The following TFPI variants were observed in gnomAD, a reference collection of about 807,000 sequenced individuals.
TFPI encodes the protein tissue factor pathway inhibitor.
TFPI carries 15 observed loss-of-function variants against 34.6 expected under a neutral mutation model. That is an observed-to-expected ratio of 0.43 (90% CI 0.29 to 0.67). TFPI has a LOEUF of 0.67. Ranked by LOEUF, TFPI falls within the 30% of genes least tolerant of loss-of-function variation. The pLI is 0.15. For missense variants in TFPI, 301 were observed against 364.0 expected (o/e 0.83, Z 1.41); for synonymous variants, 105 against 120.1 (o/e 0.87, Z 0.82).
intron 2 of TFPI, 144 bp downstream of exon 2, chr2:187,503,504 C>A: frequency 1.4e-5 from 11 of 761,534 alleles, no homozygotes; most frequent in Non-Finnish European, 1.8e-5. Context: ...CACACACATA[C>A]ATTAGGTATA....
chr2:187,487,095 C>T (rs1693328537), intron 4 of TFPI, among the ~76,000 whole-genome samples: 1 of 151,310 alleles, frequency 6.6e-6, no homozygotes, highest in African/African-American at 2.4e-5. Flanking sequence ...ATAATTTTAC[C>T]TAAAAATAGT....
chr2:187,533,699 A>G (rs1688095503), intron 1 of TFPI, among the ~76,000 whole-genome samples: 1 of 152,150 alleles, frequency 6.6e-6, no homozygotes, highest in Admixed American at 6.5e-5. Context: ...AGGGAACAAA[A>G]CTTGATGAAG....
intron 1 of TFPI, among the ~76,000 whole-genome samples, chr2:187,511,171 C>T (rs1313926056): frequency 6.6e-6 from 1 of 152,188 alleles, no homozygotes; most frequent in Non-Finnish European, 1.5e-5. Context: ...AGTGGCTGAA[C>T]ACCGGGAAAG....
chr2:187,523,283 C>G (rs1337833993), intron 1 of TFPI, among the ~76,000 whole-genome samples: 2 of 152,106 alleles, frequency 1.3e-5, no homozygotes, highest in Non-Finnish European at 2.9e-5. Context: ...CCTTGAAACT[C>G]AACTATCACT....
intron 6 of TFPI, among the ~76,000 whole-genome samples, chr2:187,481,078 TC>T (rs1692819845): frequency 6.6e-6 from 1 of 152,046 alleles, no homozygotes; most frequent in African/African-American, 2.4e-5. Flanking sequence ...TATAAATATT[TC>T]ACTTAATAAT....
rs975178874 is a variant in TFPI, at chr2:187,521,129, CCTT to C, written c.-2-17362_-2-17360del. Among the ~76,000 whole-genome samples, 50 of 152,030 alleles carry C rather than the reference CCTT, an allele frequency of 3.3e-4. No individual in the cohort carries two copies. The Middle Eastern group carries it at 0.014, about 41-fold the overall frequency. Reference sequence around the variant, plus strand: ...TTATTGGGATGTCATTTCTTTTAGGCCTTCTTTTTGGCAGATTAAAGGAATATA... The same window carrying C: ...TTATTGGGATGTCATTTCTTTTAGGCCTTTTTGGCAGATTAAAGGAATATA... On this transcript the variant is annotated intron_variant, in intron 1 of 7. Coordinates refer to ENST00000233156, the MANE Select transcript of TFPI (RefSeq NM_006287.6).
chr2:187,541,607 A>G (rs145342238), intron 1 of TFPI, among the ~76,000 whole-genome samples: 2 of 152,304 alleles, frequency 1.3e-5, no homozygotes, highest in East Asian at 1.9e-4. Context: ...ACAAACGATC[A>G]TTGTTTCGTG....
intron 4 of TFPI, 96 bp from the exon 5 acceptor site, chr2:187,485,083 G>T: frequency 1.1e-6 from 1 of 898,994 alleles, no homozygotes; most frequent in Non-Finnish European, 1.5e-6. Context: ...AGTTATTGAA[G>T]GAGTAAGCAT....
intron 1 of TFPI, among the ~76,000 whole-genome samples, chr2:187,546,282 G>A (rs1230562373): frequency 2.0e-4 from 27 of 135,124 alleles, no homozygotes; most frequent in Admixed American, 1.7e-3. Flanking sequence ...AAATTTGTAA[G>A]TTTTTTTTTT....
intron 1 of TFPI, among the ~76,000 whole-genome samples, chr2:187,537,717 C>T (rs1688339670): frequency 6.6e-6 from 1 of 152,164 alleles, no homozygotes; most frequent in South Asian, 2.1e-4. Flanking sequence ...GCAATGGCAA[C>T]AAAAGCCAAA....
chr2:187,538,425 GTCC>G (rs1688387208), intron 1 of TFPI, among the ~76,000 whole-genome samples: 1 of 152,160 alleles, frequency 6.6e-6, no homozygotes, highest in African/African-American at 2.4e-5. Context: ...ATGTGTTCAT[GTCC>G]TTTGCAGGGA....
intron 1 of TFPI, chr2:187,519,793 A>C (rs1181276883): frequency 6.6e-6 from 1 of 152,094 alleles, no homozygotes; most frequent in African/African-American, 2.4e-5. Flanking sequence ...TGGGAGTTTG[A>C]TCTATAAGCC....
chr2:187,500,907 G>T (rs905078401), intron 2 of TFPI, among the ~76,000 whole-genome samples: 1 of 152,144 alleles, frequency 6.6e-6, no homozygotes, highest in African/African-American at 2.4e-5. Flanking sequence ...TTGACCATGC[G>T]TCAAGCACTG....
At chr2:187,541,516 T>A (rs1688582028) in intron 1 of TFPI, among the ~76,000 whole-genome samples, 1 of 152,178 alleles carries the variant, frequency 6.6e-6, no homozygotes, top group African/African-American at 2.4e-5. Context: ...CCAGTGGAAC[T>A]ATGAAATAAA....
chr2:187,550,244 A>T (rs1237779258), intron 1 of TFPI, among the ~76,000 whole-genome samples: 1 of 152,146 alleles, frequency 6.6e-6, no homozygotes, highest in African/African-American at 2.4e-5. Flanking sequence ...AGACTGGGTG[A>T]AGCACCACCT....
intron 2 of TFPI, among the ~76,000 whole-genome samples, chr2:187,500,991 A>G (rs1415007645): frequency 6.6e-6 from 1 of 152,188 alleles, no homozygotes; most frequent in Non-Finnish European, 1.5e-5. Context: ...GACACTAAGG[A>G]CTTACATAAA....
At chr2:187,537,600 A>G (rs972988055) in intron 1 of TFPI, among the ~76,000 whole-genome samples, 29 of 152,360 alleles carry the variant, frequency 1.9e-4, no homozygotes, top group African/African-American at 6.5e-4. Flanking sequence ...AAGATGCATT[A>G]AATACTTAAA....
chr2:187,511,754 A>G (rs1686650616), intron 1 of TFPI, among the ~76,000 whole-genome samples: 1 of 152,052 alleles, frequency 6.6e-6, no homozygotes, highest in Admixed American at 6.6e-5. Flanking sequence ...CTGGTTTTAG[A>G]TCCGCCTCAC....
chr2:187,467,172 T>A (rs1691760729), intron 7 of TFPI, 130 bp from the exon 8 acceptor site: 1 of 597,100 alleles, frequency 1.7e-6, no homozygotes, highest in Non-Finnish European at 2.8e-6. Context: ...GCCTTTAATT[T>A]GTCCATGTAT....
Sources: allele counts gnomAD v4.1 joint callset (sites outside exome capture counted in the v4.1 genomes callset), GRCh38; gene constraint gnomAD v4.1.1; transcripts MANE v1.5; gene names NCBI Gene and HGNC (gene_info 2026-07-23, HGNC 2026-07-21).